Variants in SPATA6 observed in about 807,000 individuals in gnomAD.
SPATA6 encodes spermatogenesis-associated protein 6.
A neutral mutation model predicts 65.3 loss-of-function variants in SPATA6; 56 were observed. That is an observed-to-expected ratio of 0.86 (90% CI 0.69 to 1.07). SPATA6 has a LOEUF of 1.07. Ranked by LOEUF, SPATA6 falls within the 50% of genes least tolerant of loss-of-function variation. SPATA6 has a pLI of 0.00. For missense variants in SPATA6, 590 were observed against 594.8 expected (o/e 0.99, Z 0.08); for synonymous variants, 199 against 213.2 (o/e 0.93, Z 0.58).
intron 1 of SPATA6, among the ~76,000 whole-genome samples, chr1:48,461,904 T>C (rs929377936): frequency 5.9e-5 from 9 of 152,194 alleles, no homozygotes; most frequent in African/African-American, 1.2e-4. Flanking sequence ...CGTATGTTTA[T>C]TGCGGCACTA....
At chr1:48,392,470 T>C (rs1650168970) in intron 8 of SPATA6, among the ~76,000 whole-genome samples, 2 of 152,136 alleles carry the variant, frequency 1.3e-5, no homozygotes, top group South Asian at 2.1e-4. Context: ...TTATATAACA[T>C]GGCAGTAACA....
chr1:48,431,004 G>A (rs1489775918), intron 3 of SPATA6, among the ~76,000 whole-genome samples: 1 of 152,044 alleles, frequency 6.6e-6, no homozygotes, highest in South Asian at 2.1e-4. Flanking sequence ...ATATGACCTG[G>A]GGATATGCTG....
At chr1:48,358,397 G>A (rs1646715706) in intron 10 of SPATA6, among the ~76,000 whole-genome samples, 1 of 151,070 alleles carries the variant, frequency 6.6e-6, no homozygotes, top group Admixed American at 6.6e-5. Flanking sequence ...ATTTATAAAA[G>A]TATTTATAAA....
At position 48,298,543 on chromosome 1, in the gene SPATA6, G is replaced by T; in HGVS notation, c.*170C>A. 1 of 591,468 alleles carries T rather than the reference G, an allele frequency of 1.7e-6. No homozygotes were observed. The highest frequency in any genetic ancestry group is 2.8e-6 in the Non-Finnish European group (1 of 360,160). 36.6% of individuals were successfully genotyped at this position (591,468 alleles called of 1,614,324 possible). On this transcript the variant is annotated 3_prime_UTR_variant, in exon 13 of 13. Transcript: ENST00000371847. ...CTCTTCTGTAATAATTATTTTAAAAGGCTTGCCTATGATAATTTACCATTT... is the reference window on the plus strand; with the variant it reads ...CTCTTCTGTAATAATTATTTTAAAATGCTTGCCTATGATAATTTACCATTT...
At chr1:48,456,641 A>T (rs933018376) in intron 1 of SPATA6, among the ~76,000 whole-genome samples, 2 of 152,216 alleles carry the variant, frequency 1.3e-5, no homozygotes, top group African/African-American at 2.4e-5. Context: ...AAAGTATGGC[A>T]ATGCTGTCTC....
intron 3 of SPATA6, among the ~76,000 whole-genome samples, chr1:48,426,527 C>G (rs1452429834): frequency 2.0e-5 from 3 of 152,046 alleles, no homozygotes; most frequent in Non-Finnish European, 2.9e-5. Context: ...TGAAATGGAA[C>G]AGAGACAGAA....
intron 9 of SPATA6, among the ~76,000 whole-genome samples, chr1:48,374,935 A>G (rs1318159732): frequency 1.3e-5 from 2 of 152,164 alleles, no homozygotes; most frequent in Non-Finnish European, 2.9e-5. Context: ...GTGCTCTCCC[A>G]TACTGTATTA....
chr1:48,315,520 G>A (rs1453241712), intron 11 of SPATA6, among the ~76,000 whole-genome samples: 2 of 152,092 alleles, frequency 1.3e-5, no homozygotes, highest in Non-Finnish European at 2.9e-5. Flanking sequence ...CAATAAATTA[G>A]GTATTGATGG....
chr1:48,332,184 T>A (rs1277752766), intron 11 of SPATA6, among the ~76,000 whole-genome samples: 1 of 152,162 alleles, frequency 6.6e-6, no homozygotes, highest in Admixed American at 6.5e-5. Flanking sequence ...AAGTCTAGCA[T>A]AACAACCACT....
chr1:48,467,594 T>A (rs1415696565), intron 1 of SPATA6, among the ~76,000 whole-genome samples: 2 of 152,062 alleles, frequency 1.3e-5, no homozygotes, highest in Non-Finnish European at 2.9e-5. Flanking sequence ...ATGGATAGCA[T>A]CAGAGTAAAA....
At chr1:48,376,352 G>A (rs1347004921) in intron 9 of SPATA6, among the ~76,000 whole-genome samples, 1 of 152,074 alleles carries the variant, frequency 6.6e-6, no homozygotes, top group African/African-American at 2.4e-5. Flanking sequence ...GGAATTTGCA[G>A]AAAAATTTAG....
intron 5 of SPATA6, among the ~76,000 whole-genome samples, chr1:48,410,179 T>A (rs1652081918): frequency 1.3e-5 from 2 of 152,186 alleles, no homozygotes; most frequent in Non-Finnish European, 2.9e-5. Flanking sequence ...TTCCACCAGA[T>A]ACCCTAAATC....
intron 3 of SPATA6, among the ~76,000 whole-genome samples, chr1:48,426,929 CTT>C (rs534847545): frequency 1.4e-5 from 2 of 144,712 alleles, no homozygotes. Flanking sequence ...TCAGTTCAAT[CTT>C]TTTTTTTTTT....
At chr1:48,328,367 C>A (rs1242740410) in intron 11 of SPATA6, among the ~76,000 whole-genome samples, 1 of 151,800 alleles carries the variant, frequency 6.6e-6, no homozygotes, top group African/African-American at 2.4e-5. Flanking sequence ...ATCCATCCAT[C>A]AACTGATGAA....
intron 7 of SPATA6, among the ~76,000 whole-genome samples, chr1:48,397,030 A>G (rs942009109): frequency 2.4e-4 from 36 of 151,820 alleles, no homozygotes; most frequent in African/African-American, 8.4e-4. Flanking sequence ...TTAAGCCATA[A>G]AAAGGAATCA....
chr1:48,330,711 G>A (rs914187575), intron 11 of SPATA6, among the ~76,000 whole-genome samples: 5 of 152,348 alleles, frequency 3.3e-5, no homozygotes, highest in African/African-American at 9.6e-5. Context: ...GAAAGGCAGG[G>A]CTGGAAACCC....
chr1:48,271,113 TAAA>T, the SPATA6 span, among the ~76,000 whole-genome samples: 1 of 152,128 alleles, frequency 6.6e-6, no homozygotes, highest in South Asian at 2.1e-4. Flanking sequence ...TTGCATTTAA[TAAA>T]AGAGGTTTAA....
At chr1:48,416,700 G>A (rs937841321) in intron 3 of SPATA6, among the ~76,000 whole-genome samples, 2 of 151,812 alleles carry the variant, frequency 1.3e-5, no homozygotes, top group Non-Finnish European at 2.9e-5. Context: ...ACTAAAACCT[G>A]ACAAGGACCT....
intron 9 of SPATA6, among the ~76,000 whole-genome samples, chr1:48,381,413 A>G (rs953752038): frequency 6.6e-6 from 1 of 152,184 alleles, no homozygotes; most frequent in African/African-American, 2.4e-5. Context: ...ATAAATATTT[A>G]TAAAGCTTCA....
Sources: gnomAD v4.1 joint callset for allele counts (sites outside exome capture counted in the v4.1 genomes callset) on GRCh38, gnomAD v4.1.1 for gene constraint, MANE v1.5 for transcripts, NCBI Gene and HGNC (gene_info 2026-07-23, HGNC 2026-07-21) for gene names.